MBD5: variants seen among roughly 807,000 people sequenced by gnomAD.
MBD5 encodes methyl-CpG-binding domain protein 5.
Under a neutral mutation model 117.3 loss-of-function variants are expected in MBD5, and 13 were observed. The observed-to-expected ratio is 0.11, with a 90% confidence interval of 0.07 to 0.18. MBD5 has a LOEUF of 0.18. Ranked by LOEUF, MBD5 falls within the 10% of genes least tolerant of loss-of-function variation. The pLI is 1.00. For synonymous variants in MBD5, 727 were observed against 766.4 expected (o/e 0.95, Z 0.85); for missense variants, 1,879 against 2,093.8 (o/e 0.90, Z 2.00).
At chr2:148,409,884 A>C (rs1705200223) in intron 4 of MBD5, among the ~76,000 whole-genome samples, 1 of 152,174 alleles carries the variant, frequency 6.6e-6, no homozygotes, top group Non-Finnish European at 1.5e-5. Flanking sequence ...CTATAGAACT[A>C]GCTTTTTTAA....
intron 4 of MBD5, among the ~76,000 whole-genome samples, chr2:148,433,461 A>G (rs1044785576): frequency 5.9e-5 from 9 of 152,256 alleles, no homozygotes; most frequent in African/African-American, 1.9e-4. Context: ...GCATTTGCCA[A>G]TTCAGTATGA....
intron 3 of MBD5, among the ~76,000 whole-genome samples, chr2:148,258,010 C>A (rs192774310): frequency 6.6e-6 from 1 of 152,310 alleles, no homozygotes; most frequent in East Asian, 1.9e-4. Flanking sequence ...CACTGGAGAA[C>A]TGTAGGGGCT....
intron 1 of MBD5, among the ~76,000 whole-genome samples, chr2:148,094,987 C>T (rs1234176911): frequency 1.3e-5 from 2 of 151,976 alleles, no homozygotes; most frequent in Admixed American, 6.6e-5. Context: ...ATAACTCCAG[C>T]GTATAAAAGG....
chr2:148,028,023 T>A (rs1032596868), intron 1 of MBD5: 1 of 152,128 alleles, frequency 6.6e-6, no homozygotes, highest in African/African-American at 2.4e-5. Flanking sequence ...GAAGCTGGAA[T>A]GACTCACTGT....
At chr2:148,172,911 T>C (rs527303141) in intron 1 of MBD5, among the ~76,000 whole-genome samples, 1 of 152,258 alleles carries the variant, frequency 6.6e-6, no homozygotes, top group East Asian at 1.9e-4. Flanking sequence ...TCCTCGCCAC[T>C]GAGAGCTGGA....
Position 148,463,975 on chromosome 2 carries a change from T to C in MBD5, c.397+56T>C, listed in dbSNP as rs997278686. ...CTCCTCTCCCTAGAGAAGGAGTTGCTAGAAATCATTTTGCCTAGCATTTTC... is the reference window on the plus strand; with the variant it reads ...CTCCTCTCCCTAGAGAAGGAGTTGCCAGAAATCATTTTGCCTAGCATTTTC... On this transcript the variant is annotated intron_variant, in intron 7 of 13. Transcript: ENST00000642680. 7.7e-6 allele frequency: 12 copies of C among 1,566,024 alleles called. No homozygotes were observed. In the Admixed American group the frequency reaches 1.9e-4, roughly 25 times the overall value.
rs34382486 is a variant in MBD5 at position 148,154,297 on chromosome 2, C to G, written c.-924-24403C>G. On this transcript the variant is annotated intron_variant, in intron 1 of 13. Coordinates refer to ENST00000642680, the MANE Select transcript of MBD5 (RefSeq NM_001378120.1). ...GGAGGCAGTCTGCCCGTTCTCAGAT[C>G]TCCAGCTGTGTGCTGGGAGAACCAC... Among the ~76,000 whole-genome samples the G allele has an allele frequency of 2.6e-3, 394 of 152,212 alleles. 1 individual carries two copies. Among genetic ancestry groups the G allele is most frequent in the African/African-American group, 8.9e-3 (369 of 41,534 alleles).
chr2:148,215,469 G>C (rs1574146411), intron 2 of MBD5, among the ~76,000 whole-genome samples: 1 of 152,066 alleles, frequency 6.6e-6, no homozygotes, highest in East Asian at 1.9e-4. Context: ...CAGACTCCTT[G>C]TGGGCCCATG....
chr2:148,380,951 A>C (rs1010040053), intron 4 of MBD5, among the ~76,000 whole-genome samples: 2 of 152,218 alleles, frequency 1.3e-5, no homozygotes, highest in Non-Finnish European at 2.9e-5. Flanking sequence ...AAGGGCATCC[A>C]CACCAAAAAC....
intron 1 of MBD5, among the ~76,000 whole-genome samples, chr2:148,120,197 C>T (rs1696735552): frequency 2.0e-5 from 3 of 152,240 alleles, no homozygotes; most frequent in South Asian, 2.1e-4. Flanking sequence ...TACAGTACTC[C>T]GCACCTGGAG....
intron 1 of MBD5, among the ~76,000 whole-genome samples, chr2:148,085,723 CAA>C (rs796928483): frequency 2.1e-5 from 3 of 142,208 alleles, no homozygotes; most frequent in Non-Finnish European, 4.6e-5. Flanking sequence ...GACTCCGTCT[CAA>C]AAAAAAAAAG....
At chr2:148,398,950 A>G (rs1285560307) in intron 4 of MBD5, among the ~76,000 whole-genome samples, 1 of 152,190 alleles carries the variant, frequency 6.6e-6, no homozygotes, top group Non-Finnish European at 1.5e-5. Context: ...TTTGTCAAAG[A>G]TCAGATAGTT....
At chr2:148,132,856 G>A (rs2105479092) in intron 1 of MBD5, among the ~76,000 whole-genome samples, 1 of 152,176 alleles carries the variant, frequency 6.6e-6, no homozygotes, top group Non-Finnish European at 1.5e-5. Context: ...GTAGGCTATA[G>A]CTACTATGTA....
chr2:148,309,158 A>G (rs1022752385), intron 3 of MBD5, among the ~76,000 whole-genome samples: 22 of 152,126 alleles, frequency 1.4e-4, no homozygotes, highest in African/African-American at 4.8e-5. Context: ...GTTCCACATG[A>G]AATTTAAAGT....
chr2:148,430,141 C>T (rs1410660502), intron 4 of MBD5, among the ~76,000 whole-genome samples: 1 of 152,130 alleles, frequency 6.6e-6, no homozygotes, highest in African/African-American at 2.4e-5. Flanking sequence ...TGAGATTTCC[C>T]TTGCGGCCAA....
At chr2:148,279,488 G>T (rs1014730214) in intron 3 of MBD5, among the ~76,000 whole-genome samples, 4 of 152,162 alleles carry the variant, frequency 2.6e-5, no homozygotes, top group African/African-American at 9.7e-5. Flanking sequence ...AAAAAGGTCA[G>T]GCACAGTGCC....
At chr2:148,194,797 A>G (rs1698931654) in intron 2 of MBD5, among the ~76,000 whole-genome samples, 1 of 151,898 alleles carries the variant, frequency 6.6e-6, no homozygotes, top group Non-Finnish European at 1.5e-5. Flanking sequence ...AAAAAATGAA[A>G]GAACAGATGG....
chr2:148,432,602 G>A (rs746548089), intron 4 of MBD5, among the ~76,000 whole-genome samples: 4 of 151,860 alleles, frequency 2.6e-5, no homozygotes, highest in South Asian at 4.2e-4. Context: ...CAATTATCCC[G>A]TCAACATTTA....
At chr2:148,263,545 T>C (rs1259811396) in intron 3 of MBD5, among the ~76,000 whole-genome samples, 1 of 152,106 alleles carries the variant, frequency 6.6e-6, no homozygotes, top group Admixed American at 6.6e-5. Flanking sequence ...AAAGCTAGAA[T>C]CACTTAGATT....
Sources: allele counts gnomAD v4.1 joint callset (sites outside exome capture counted in the v4.1 genomes callset), GRCh38; gene constraint gnomAD v4.1.1; transcripts MANE v1.5; gene names NCBI Gene and HGNC (gene_info 2026-07-23, HGNC 2026-07-21).